Variants in MOSMO observed in about 807,000 individuals in gnomAD.
MOSMO encodes modulator of smoothened protein.
A neutral mutation model predicts 18.4 loss-of-function variants in MOSMO; 5 were observed. That is an observed-to-expected ratio of 0.27 (90% CI 0.14 to 0.57). MOSMO has a LOEUF of 0.57. Among genes scored for constraint, MOSMO ranks in the 20% least tolerant of loss-of-function variants. The pLI, the probability that MOSMO is intolerant of heterozygous loss-of-function variation, is 0.92. For synonymous variants in MOSMO, 82 were observed against 82.3 expected (o/e 1.00, Z 0.02); for missense variants, 138 against 211.8 (o/e 0.65, Z 2.16).
Position 22,082,632 on chromosome 16 carries a change from C to T in MOSMO, c.*1752C>T, listed in dbSNP as rs1007554387. ...TAGATTATCAGTTCTAGAATGATTA[C>T]TTCAAAGATGGGAGCTACCTCCTCA... On this transcript the variant is annotated 3_prime_UTR_variant, in exon 3 of 3. Transcript: ENST00000542527. 2.0e-4 allele frequency: 30 copies of T among 152,194 alleles called. No individual in the cohort carries two copies. Among genetic ancestry groups the T allele is most frequent in the African/African-American group, 7.2e-4 (30 of 41,452 alleles). 9.4% of individuals were successfully genotyped at this position (152,194 alleles called of 1,614,324 possible).
chr16:22,080,498 G>A (rs368218517), intron 2 of MOSMO, among the ~76,000 whole-genome samples, 198 bp from the exon 3 acceptor site: 5 of 152,166 alleles, frequency 3.3e-5, no homozygotes, highest in African/African-American at 1.2e-4. Flanking sequence ...TTACATAAAA[G>A]CCTAACCTAG....
intron 1 of MOSMO, among the ~76,000 whole-genome samples, chr16:22,070,040 T>TA (rs1024696392): frequency 8.5e-5 from 13 of 152,210 alleles, no homozygotes; most frequent in Non-Finnish European, 1.6e-4. Flanking sequence ...TGTGTTCAGA[T>TA]ACATTTGTAA....
At chr16:22,076,163 T>G (rs1398418195) in intron 2 of MOSMO, 1 of 169,224 alleles carries the variant, frequency 5.9e-6, no homozygotes, top group Non-Finnish European at 1.3e-5. Flanking sequence ...ATTTTGTTAT[T>G]TAATAATTGT....
At chr16:22,062,740 T>C (rs940867921) in intron 1 of MOSMO, among the ~76,000 whole-genome samples, 3 of 152,212 alleles carry the variant, frequency 2.0e-5, no homozygotes, top group African/African-American at 7.2e-5. Context: ...ACATTCTCTC[T>C]CTTAATACAC....
chr16:22,063,986 C>T (rs535900172), intron 1 of MOSMO, among the ~76,000 whole-genome samples: 3 of 152,246 alleles, frequency 2.0e-5, no homozygotes, highest in South Asian at 2.1e-4. Flanking sequence ...TTAGTCTCAG[C>T]GCTGCTAATT....
intron 1 of MOSMO, among the ~76,000 whole-genome samples, chr16:22,018,752 A>G (rs1597996284): frequency 6.6e-6 from 1 of 152,204 alleles, no homozygotes; most frequent in African/African-American, 2.4e-5. Context: ...CAACATATGC[A>G]TAGGATCAGG....
At chr16:22,037,792 C>A (rs929391430) in intron 1 of MOSMO, among the ~76,000 whole-genome samples, 2 of 152,140 alleles carry the variant, frequency 1.3e-5, no homozygotes, top group African/African-American at 4.8e-5. Flanking sequence ...TGGGAAGGGG[C>A]GGGAAGCTTC....
At chr16:22,045,297 T>C (rs548785570) in intron 1 of MOSMO, among the ~76,000 whole-genome samples, 1 of 152,304 alleles carries the variant, frequency 6.6e-6, no homozygotes, top group South Asian at 2.1e-4. Context: ...ATTCATAGTG[T>C]AAAGTTTGGG....
intron 1 of MOSMO, among the ~76,000 whole-genome samples, chr16:22,045,890 T>C (rs1900298083): frequency 6.6e-6 from 1 of 152,174 alleles, no homozygotes; most frequent in South Asian, 2.1e-4. Context: ...CTTTTTTTTT[T>C]TTATACTTTA....
At chr16:22,021,227 G>A (rs528065821) in intron 1 of MOSMO, among the ~76,000 whole-genome samples, 1 of 152,312 alleles carries the variant, frequency 6.6e-6, no homozygotes, top group South Asian at 2.1e-4. Flanking sequence ...GACCTCTATG[G>A]TTGGATAGAG....
chr16:22,063,924 G>T (rs145156752), intron 1 of MOSMO, among the ~76,000 whole-genome samples: 1 of 152,334 alleles, frequency 6.6e-6, no homozygotes, highest in East Asian at 1.9e-4. Flanking sequence ...GTTCAGGGAA[G>T]TTAGCATCAT....
At chr16:22,025,319 A>ATAGT (rs1200086784) in intron 1 of MOSMO, among the ~76,000 whole-genome samples, 2 of 152,154 alleles carry the variant, frequency 1.3e-5, no homozygotes, top group Non-Finnish European at 2.9e-5. Context: ...ATCCTTAGCT[A>ATAGT]TAGTCTTTTC....
At chr16:22,089,830 A>G (rs569951221), downstream of MOSMO, among the ~76,000 whole-genome samples, 3 of 152,010 alleles carry the variant, frequency 2.0e-5, no homozygotes, top group Admixed American at 1.3e-4. Flanking sequence ...CCATCTTACC[A>G]AAGTATTGCC....
intron 1 of MOSMO, among the ~76,000 whole-genome samples, chr16:22,043,768 C>T (rs1180564279): frequency 6.6e-6 from 1 of 152,176 alleles, no homozygotes; most frequent in Non-Finnish European, 1.5e-5. Flanking sequence ...AATTTATAAT[C>T]GTAGAGACTT....
intron 1 of MOSMO, among the ~76,000 whole-genome samples, chr16:22,055,783 C>T (rs905206032): frequency 6.6e-6 from 1 of 152,182 alleles, no homozygotes; most frequent in Non-Finnish European, 1.5e-5. Context: ...AAAATTCTAT[C>T]CCATATCAGG....
intron 1 of MOSMO, among the ~76,000 whole-genome samples, chr16:22,039,014 T>G (rs948054873): frequency 6.6e-6 from 1 of 152,222 alleles, no homozygotes; most frequent in Non-Finnish European, 1.5e-5. Context: ...GCAGATTACT[T>G]AACCTTCTCT....
chr16:22,044,069 A>G (rs1900260750), intron 1 of MOSMO, among the ~76,000 whole-genome samples: 1 of 152,130 alleles, frequency 6.6e-6, no homozygotes, highest in Admixed American at 6.5e-5. Flanking sequence ...ATTCACTACC[A>G]TGAGAACAGT....
intron 2 of MOSMO, among the ~76,000 whole-genome samples, chr16:22,077,668 T>C (rs1900996453): frequency 6.6e-6 from 1 of 152,134 alleles, no homozygotes; most frequent in African/African-American, 2.4e-5. Flanking sequence ...TGAGCTAATT[T>C]CATTTAAGCA....
chr16:22,025,192 G>A (rs950144639), intron 1 of MOSMO, among the ~76,000 whole-genome samples: 2 of 151,808 alleles, frequency 1.3e-5, no homozygotes, highest in African/African-American at 4.8e-5. Flanking sequence ...CTTACTAGCA[G>A]CATGATTTTG....
Sources: gnomAD v4.1 joint callset for allele counts (sites outside exome capture counted in the v4.1 genomes callset) on GRCh38, gnomAD v4.1.1 for gene constraint, MANE v1.5 for transcripts, NCBI Gene and HGNC (gene_info 2026-07-23, HGNC 2026-07-21) for gene names.